Variants in KAZN observed in about 807,000 individuals in gnomAD.
KAZN encodes kazrin.
A neutral mutation model predicts 87.4 loss-of-function variants in KAZN; 40 were observed. That is an observed-to-expected ratio of 0.46 (90% CI 0.36 to 0.60). KAZN has a LOEUF of 0.60. Among genes scored for constraint, KAZN ranks in the 20% least tolerant of loss-of-function variants. The pLI is 0.00. For missense variants in KAZN, 898 were observed against 1,073.9 expected, an observed-to-expected ratio of 0.84 and a Z score of 2.29; for synonymous variants, 466 against 458.3, an observed-to-expected ratio of 1.02 and a Z score of -0.22.
chr1:14,905,350 C>T (rs4661546), intron 1 of KAZN, among the ~76,000 whole-genome samples: 2 of 151,978 alleles, frequency 1.3e-5, no homozygotes, highest in African/African-American at 4.8e-5. Context: ...GCGTGATCTA[C>T]TGCGCCTGGA....
intron 13 of KAZN, among the ~76,000 whole-genome samples, chr1:15,109,465 G>A (rs910783983): frequency 2.0e-5 from 3 of 152,202 alleles, no homozygotes; most frequent in Non-Finnish European, 4.4e-5. Flanking sequence ...AGAACATATG[G>A]AGGGAATAGC....
chr1:15,064,840 G>A (rs187132998), intron 7 of KAZN, among the ~76,000 whole-genome samples: 3 of 152,252 alleles, frequency 2.0e-5, no homozygotes, highest in Non-Finnish European at 2.9e-5. Flanking sequence ...CTGTGGCCTC[G>A]CATCGTGGAC....
At chr1:14,306,865 A>G (rs111607602) in intron 2 of KAZN, among the ~76,000 whole-genome samples, 1 of 152,188 alleles carries the variant, frequency 6.6e-6, no homozygotes, top group Non-Finnish European at 1.5e-5. Flanking sequence ...TCTTTAAAAG[A>G]CAAGATAAGA....
intron 1 of KAZN, among the ~76,000 whole-genome samples, chr1:14,108,177 T>C (rs72862557): frequency 0.018 from 2,766 of 152,126 alleles, 80 homozygotes; most frequent in African/African-American, 0.063. Flanking sequence ...CACCGCTCTT[T>C]CTACTGGTTA....
chr1:13,980,872 T>C (rs999639988), intron 1 of KAZN, among the ~76,000 whole-genome samples: 7 of 151,804 alleles, frequency 4.6e-5, no homozygotes, highest in African/African-American at 1.7e-4. Flanking sequence ...CTGGCATCTT[T>C]CTGTCTATGT....
At chr1:14,466,834 T>C (rs1179953453) in intron 2 of KAZN, among the ~76,000 whole-genome samples, 3 of 152,044 alleles carry the variant, frequency 2.0e-5, no homozygotes, top group African/African-American at 7.2e-5. Flanking sequence ...CCTGTTGTGG[T>C]GGCGGGCGCC....
chr1:14,280,051 G>A lies in KAZN; in HGVS notation c.249+99459G>A, dbSNP rs186597330. Among the ~76,000 whole-genome samples, 27 of 152,140 alleles carry A rather than the reference G, an allele frequency of 1.8e-4. No individual in the cohort carries two copies. The East Asian group carries it at 2.1e-3, about 12-fold the overall frequency. ...GGCCCTATTTGGACCTACGGTCATC[G>A]GCATATGGACTTAGTTAAGATGAGG... On this transcript the variant is annotated intron_variant, in intron 2 of 16. Transcript: ENST00000636203.
chr1:14,962,954 TC>T (rs1664056264), intron 2 of KAZN, among the ~76,000 whole-genome samples: 2 of 152,002 alleles, frequency 1.3e-5, no homozygotes, highest in Non-Finnish European at 2.9e-5. Flanking sequence ...ACCTAGCCTC[TC>T]CATTCCTGAT....
intron 2 of KAZN, chr1:14,390,546 C>T (rs1270822122): frequency 6.6e-6 from 1 of 152,092 alleles, no homozygotes; most frequent in Non-Finnish European, 1.5e-5. Context: ...TTGTGAATGC[C>T]CTGAGGGAGG....
intron 2 of KAZN, among the ~76,000 whole-genome samples, chr1:14,368,927 T>C (rs1188546337): frequency 6.6e-6 from 1 of 152,196 alleles, no homozygotes; most frequent in African/African-American, 2.4e-5. Context: ...ATATTAATAG[T>C]ACCTGTGTCA....
chr1:14,642,569 G>A (rs1331289569), intron 1 of KAZN, among the ~76,000 whole-genome samples: 1 of 152,180 alleles, frequency 6.6e-6, no homozygotes, highest in African/African-American at 2.4e-5. Flanking sequence ...GATAGATAGG[G>A]AGAGATGTGT....
chr1:14,727,780 A>G (rs1411858281), intron 1 of KAZN, among the ~76,000 whole-genome samples: 6 of 151,316 alleles, frequency 4.0e-5, no homozygotes, highest in Admixed American at 3.9e-4. Flanking sequence ...TTTTATTTCT[A>G]TCATTGCATC....
intron 2 of KAZN, among the ~76,000 whole-genome samples, chr1:14,318,485 C>A (rs182781959): frequency 1.3e-5 from 2 of 151,738 alleles, no homozygotes; most frequent in African/African-American, 4.8e-5. Flanking sequence ...AAGATTTTTC[C>A]CTTTGATACT....
intron 1 of KAZN, among the ~76,000 whole-genome samples, chr1:14,707,781 G>C (rs1642286630): frequency 6.6e-6 from 1 of 152,134 alleles, no homozygotes; most frequent in Non-Finnish European, 1.5e-5. Flanking sequence ...ACTTGGAGTA[G>C]TTGTTTTAAG....
chr1:14,702,209 C>T (rs537836189), intron 1 of KAZN, among the ~76,000 whole-genome samples: 2 of 152,142 alleles, frequency 1.3e-5, no homozygotes, highest in East Asian at 3.9e-4. Flanking sequence ...TTTGAAAAGG[C>T]CCCATGGCCT....
intron 1 of KAZN, among the ~76,000 whole-genome samples, chr1:13,974,904 T>C (rs1638254078): frequency 6.6e-6 from 1 of 152,114 alleles, no homozygotes; most frequent in Non-Finnish European, 1.5e-5. Flanking sequence ...CAAGACTGCT[T>C]TGTTAACTCT....
chr1:14,930,310 T>C (rs1048597540), intron 1 of KAZN, among the ~76,000 whole-genome samples: 1 of 152,240 alleles, frequency 6.6e-6, no homozygotes, highest in Non-Finnish European at 1.5e-5. Flanking sequence ...AGGCATTCAC[T>C]GTGTTCACTA....
At chr1:14,318,620 A>G (rs1453566002) in intron 2 of KAZN, among the ~76,000 whole-genome samples, 1 of 151,996 alleles carries the variant, frequency 6.6e-6, no homozygotes, top group Non-Finnish European at 1.5e-5. Context: ...TTTTAGCTCT[A>G]TTTCTTTAAA....
At chr1:14,211,101 T>G (rs1476514230) in intron 2 of KAZN, among the ~76,000 whole-genome samples, 1 of 152,244 alleles carries the variant, frequency 6.6e-6, no homozygotes, top group African/African-American at 2.4e-5. Flanking sequence ...TATGGTGTTC[T>G]ATTCTAAGTG....
Sources: allele counts gnomAD v4.1 joint callset (sites outside exome capture counted in the v4.1 genomes callset), GRCh38; gene constraint gnomAD v4.1.1; transcripts MANE v1.5; gene names NCBI Gene and HGNC (gene_info 2026-07-23, HGNC 2026-07-21).